Variants in SNX9 observed in about 807,000 individuals in gnomAD.
The protein encoded by SNX9 is sorting nexin-9.
In SNX9, 44 loss-of-function variants were observed where a neutral mutation model predicts 89.4. The observed-to-expected ratio is 0.49, with a 90% CI of 0.39 to 0.63. The LOEUF (loss-of-function observed/expected upper bound fraction) is 0.63. Among genes scored for constraint, SNX9 ranks in the 30% least tolerant of loss-of-function variants. The pLI is 0.00. For synonymous variants in SNX9, 236 were observed against 247.8 expected (o/e 0.95, Z 0.45); for missense variants, 578 against 736.1 (o/e 0.79, Z 2.49).
In SNX9 at chr6:157,845,407, G is replaced by A. The variant is rs536640806; in HGVS notation, c.12+21961G>A. The stretch of plus-strand genomic sequence containing the variant: ...ATTACAGGTGCGAGCCACCGTGCCC[G>A]GCCCCATTTGTCTTAACTGTTGTCT... On this transcript the variant is annotated intron_variant, in intron 1 of 17. Transcript: ENST00000392185. Among the ~76,000 whole-genome samples, 95 of 152,154 alleles carry A rather than the reference G, an allele frequency of 6.2e-4. 1 individual carries two copies. The highest frequency in any genetic ancestry group is 1.3e-3 in the African/African-American group (52 of 41,516).
intron 13 of SNX9, 98 bp from the exon 14 acceptor site, chr6:157,935,866 T>C: frequency 1.2e-6 from 1 of 853,014 alleles, no homozygotes; most frequent in Non-Finnish European, 1.7e-6. Context: ...TGAAAGTTTC[T>C]ATAATAAAAT....
At chr6:157,867,270 C>G (rs921395656) in intron 1 of SNX9, among the ~76,000 whole-genome samples, 1 of 152,128 alleles carries the variant, frequency 6.6e-6, no homozygotes, top group Non-Finnish European at 1.5e-5. Flanking sequence ...AGGTATATTT[C>G]GAGTAACTTT....
chr6:157,878,486 G>T (rs1357329484), intron 4 of SNX9, among the ~76,000 whole-genome samples: 1 of 149,646 alleles, frequency 6.7e-6, no homozygotes, highest in African/African-American at 2.5e-5. Flanking sequence ...CTGGAGTGCA[G>T]TGGCGTGATG....
At chr6:157,873,996 C>T (rs1449914621) in intron 3 of SNX9, 1 of 152,212 alleles carries the variant, frequency 6.6e-6, no homozygotes, top group Non-Finnish European at 1.5e-5. Context: ...TGTTGGGTGA[C>T]AGAAAGAAGC....
intron 1 of SNX9, among the ~76,000 whole-genome samples, chr6:157,854,991 C>A (rs939650346): frequency 9.3e-5 from 14 of 150,000 alleles, no homozygotes; most frequent in Admixed American, 8.0e-4. Flanking sequence ...TACAAAAGGG[C>A]AAAAAAACCC....
At chr6:157,836,238 T>A (rs1781580683) in intron 1 of SNX9, among the ~76,000 whole-genome samples, 1 of 151,962 alleles carries the variant, frequency 6.6e-6, no homozygotes, top group South Asian at 2.1e-4. Context: ...CCATTACCCT[T>A]TTTGATAAGT....
intron 9 of SNX9, among the ~76,000 whole-genome samples, chr6:157,914,023 G>A (rs991062357): frequency 6.6e-6 from 1 of 152,114 alleles, no homozygotes; most frequent in African/African-American, 2.4e-5. Context: ...AAATGACTGG[G>A]TCATTTGGCA....
Position 157,926,182 on chromosome 6 carries a change from A to G in SNX9, c.1081-929A>G, listed in dbSNP as rs558079665. Among the ~76,000 whole-genome samples the G allele has an allele frequency of 1.2e-4, 18 of 152,336 alleles. No individual in the cohort carries two copies. In the East Asian group the frequency reaches 2.9e-3, roughly 24 times the overall value. On this transcript the variant is annotated intron_variant, in intron 10 of 17. Transcript: ENST00000392185. ...GCAGAAAAGCAAAGAAATGAAAACC[A>G]TAAGAGAGAGATTACCGGTTACCTT...
chr6:157,934,569 AGAATG>A (rs1783883665), intron 13 of SNX9, among the ~76,000 whole-genome samples: 1 of 152,234 alleles, frequency 6.6e-6, no homozygotes, highest in African/African-American at 2.4e-5. Context: ...AAAGACTATA[AGAATG>A]TTAGTTGTTT....
intron 1 of SNX9, among the ~76,000 whole-genome samples, chr6:157,866,309 C>T (rs1326853232): frequency 1.3e-5 from 2 of 152,186 alleles, no homozygotes; most frequent in Admixed American, 1.3e-4. Flanking sequence ...TAGGGCTGGT[C>T]ATAGTGGCTC....
intron 1 of SNX9, among the ~76,000 whole-genome samples, chr6:157,859,977 AG>A (rs1382941130): frequency 1.3e-5 from 2 of 152,234 alleles, no homozygotes; most frequent in African/African-American, 4.8e-5. Flanking sequence ...TGTCATGTGC[AG>A]TTTGTAAATA....
chr6:157,890,444 G>A lies in SNX9; in HGVS notation c.301-6383G>A, dbSNP rs117046724. Among the ~76,000 whole-genome samples, 89 of 152,332 alleles carry A rather than the reference G, an allele frequency of 5.8e-4. 1 individual carries two copies. In the South Asian group the frequency reaches 8.5e-3, roughly 15 times the overall value. ...TATTTCTCTATTTGCATTATGAGGAGAGGATAGCTTTTAAATTTAGAACGT... is the reference window on the plus strand; with the variant it reads ...TATTTCTCTATTTGCATTATGAGGAAAGGATAGCTTTTAAATTTAGAACGT... On this transcript the variant is annotated intron_variant, in intron 4 of 17. Coordinates refer to ENST00000392185, the MANE Select transcript of SNX9 (RefSeq NM_016224.5).
intron 4 of SNX9, among the ~76,000 whole-genome samples, chr6:157,892,351 C>T (rs530368998): frequency 1.1e-3 from 169 of 152,242 alleles, no homozygotes; most frequent in African/African-American, 4.0e-3. Flanking sequence ...AAAAGGCCAT[C>T]TGCTGAGGGA....
intron 4 of SNX9, among the ~76,000 whole-genome samples, chr6:157,883,081 C>A (rs1236879961): frequency 6.6e-6 from 1 of 152,122 alleles, no homozygotes; most frequent in Admixed American, 6.6e-5. Flanking sequence ...CCTTCAGCAA[C>A]CACCACCCTG....
intron 4 of SNX9, among the ~76,000 whole-genome samples, chr6:157,875,990 A>C (rs1306469587): frequency 2.0e-5 from 3 of 152,210 alleles, no homozygotes; most frequent in African/African-American, 7.2e-5. Flanking sequence ...GTTAAAAAAA[A>C]AGTTAAAAAA....
intron 1 of SNX9, among the ~76,000 whole-genome samples, chr6:157,858,104 A>G (rs893320920): frequency 2.0e-5 from 3 of 152,146 alleles, no homozygotes; most frequent in Admixed American, 6.6e-5. Flanking sequence ...CAGTGGTAGC[A>G]CAGGTGATCC....
At chr6:157,835,435 T>C (rs1318662844) in intron 1 of SNX9, among the ~76,000 whole-genome samples, 1 of 144,412 alleles carries the variant, frequency 6.9e-6, no homozygotes, top group Non-Finnish European at 1.5e-5. Flanking sequence ...TTTTTTTAAA[T>C]AGAGTCTTGC....
chr6:157,870,315 CCTA>C (rs780969006), intron 2 of SNX9, among the ~76,000 whole-genome samples: 49 of 151,072 alleles, frequency 3.2e-4, no homozygotes, highest in Admixed American at 9.9e-4. Context: ...CGCACACACA[CCTA>C]CTCTCTCACC....
At chr6:157,859,431 T>C (rs1434816318) in intron 1 of SNX9, among the ~76,000 whole-genome samples, 1 of 152,244 alleles carries the variant, frequency 6.6e-6, no homozygotes, top group Non-Finnish European at 1.5e-5. Context: ...TCTCATTCTC[T>C]TGTTGCTGTA....
Sources: gnomAD v4.1 joint callset for allele counts (sites outside exome capture counted in the v4.1 genomes callset) on GRCh38, gnomAD v4.1.1 for gene constraint, MANE v1.5 for transcripts, NCBI Gene and HGNC (gene_info 2026-07-23, HGNC 2026-07-21) for gene names.